Variants in FAM149A observed in about 807,000 individuals in gnomAD.
FAM149A encodes the protein protein FAM149A.
Under a neutral mutation model 78.2 loss-of-function variants are expected in FAM149A, and 71 were observed. That is an observed-to-expected ratio of 0.91 (90% CI 0.75 to 1.11). The LOEUF is 1.11. FAM149A is among the 50% of genes least tolerant of loss of function. FAM149A has a pLI of 0.00. For missense variants in FAM149A, 1,036 were observed against 971.0 expected, an observed-to-expected ratio of 1.07 and a Z score of -0.89; for synonymous variants, 446 against 410.5, an observed-to-expected ratio of 1.09 and a Z score of -1.04.
chr4:186,121,561 A>G (rs1489105641), intron 1 of FAM149A, among the ~76,000 whole-genome samples: 1 of 152,232 alleles, frequency 6.6e-6, no homozygotes, highest in Non-Finnish European at 1.5e-5. Flanking sequence ...TTTCTTTAGT[A>G]GAGCATGTCA....
rs556536881 is a variant in FAM149A, at chr4:186,146,558, G to C, written c.567-2615G>C. On this transcript the variant is annotated intron_variant, in intron 1 of 13. Coordinates refer to ENST00000389354, the MANE Select transcript of FAM149A (RefSeq NM_001367768.3). ...CCCCTGAAAAAGAGTGAATTTCCTA[G>C]AGGAATAAATTATTCATTGAAACAA... 1.6e-4 allele frequency: 150 copies of C among 957,402 alleles called. No individual in the cohort carries two copies. In the African/African-American group the frequency reaches 2.5e-3, roughly 16 times the overall value. The allele number at this position is 957,402 out of a possible 1,614,324, so 59.3% of individuals were successfully genotyped here.
intron 1 of FAM149A, chr4:186,122,681 A>T: frequency 5.6e-6 from 1 of 179,136 alleles, no homozygotes. Context: ...TATAGTAAGA[A>T]GTTGGAAAAA....
At chr4:186,160,386 ACT>A (rs1160769596) in intron 8 of FAM149A, among the ~76,000 whole-genome samples, 1 of 128,880 alleles carries the variant, frequency 7.8e-6, no homozygotes, top group Non-Finnish European at 1.6e-5. Flanking sequence ...CACACACACC[ACT>A]CACACACACA....
chr4:186,156,223 G>A, intron 7 of FAM149A, 33 bp downstream of exon 7: 1 of 1,582,036 alleles, frequency 6.3e-7, no homozygotes, highest in Non-Finnish European at 8.6e-7. Flanking sequence ...TTAATGAAAA[G>A]AAAAAGTCCC....
At position 186,157,618 on chromosome 4, in the gene FAM149A, G is replaced by T; in HGVS notation, c.1474G>T (p.Val492Phe). The T allele has an allele frequency of 6.2e-7, 1 of 1,614,148 alleles. No individual in the cohort carries two copies. The highest frequency in any genetic ancestry group is 8.5e-7 in the Non-Finnish European group (1 of 1,179,980). The stretch of plus-strand genomic sequence containing the variant: ...AGTGGCTGGAAACAGATTTCCGCAC[G>T]TCCTCGTTCCACACGCTCACGCCGA... Residue 492 changes from valine to phenylalanine, a missense_variant, in exon 8 of 14, where the codon GTC becomes TTC. By Grantham distance (50) the Val-to-Phe change is conservative. Transcript: ENST00000389354.
intron 11 of FAM149A, 135 bp downstream of exon 11, chr4:186,165,599 C>A: frequency 1.2e-6 from 1 of 823,600 alleles, no homozygotes; most frequent in Non-Finnish European, 1.9e-6. Context: ...CCTTCATAAT[C>A]TGTTTCCAGA....
intron 1 of FAM149A, chr4:186,125,128 C>A: frequency 3.2e-6 from 1 of 313,922 alleles, no homozygotes; most frequent in Non-Finnish European, 4.6e-6. Context: ...TTATGGAACA[C>A]AGTGTGGTCA....
At chr4:186,137,709 C>G (rs2099324072) in intron 1 of FAM149A, among the ~76,000 whole-genome samples, 1 of 151,932 alleles carries the variant, frequency 6.6e-6, no homozygotes, top group African/African-American at 2.4e-5. Flanking sequence ...AGAGCTATAT[C>G]TTGGTTTACA....
intron 4 of FAM149A, among the ~76,000 whole-genome samples, chr4:186,152,746 G>T (rs1472701289): frequency 6.6e-6 from 1 of 151,328 alleles, no homozygotes; most frequent in Non-Finnish European, 1.5e-5. Flanking sequence ...GGGTTTCACC[G>T]TGTTAGCCAG....
intron 1 of FAM149A, among the ~76,000 whole-genome samples, chr4:186,108,653 G>T (rs4862638): frequency 0.73 from 110,309 of 151,538 alleles, 40,639 homozygotes; most frequent in East Asian, 0.88. Context: ...TGATCTCTCT[G>T]TCTTCACCTC....
chr4:186,105,602 G>C lies in FAM149A; in HGVS notation c.526G>C (p.Glu176Gln). 9.5e-7 allele frequency: 1 copy of C among 1,054,880 alleles called. No homozygotes were observed. Among genetic ancestry groups the C allele is most frequent in the Non-Finnish European group, 1.2e-6 (1 of 868,632 alleles). 65.3% of individuals were successfully genotyped at this position (1,054,880 alleles called of 1,614,324 possible). A position where few individuals can be genotyped will look rare whatever the true frequency, so the allele number is the denominator to read the frequency against. The change falls in exon 1 of 14, where the codon GAG becomes CAG. Residue 176 changes from glutamate to glutamine, a missense_variant. Glu to Gln is a conservative substitution (Grantham distance 29). Coordinates refer to ENST00000389354, the MANE Select transcript of FAM149A (RefSeq NM_001367768.3). ...GTTCCTTACGCTGCCTGACATCGGCGAGGAGGGGGCCTCGGACGGCGACTC... is the reference window on the plus strand; with the variant it reads ...GTTCCTTACGCTGCCTGACATCGGCCAGGAGGGGGCCTCGGACGGCGACTC...
chr4:186,153,530 A>G, intron 4 of FAM149A, 115 bp from the exon 5 acceptor site: 1 of 1,500,186 alleles, frequency 6.7e-7, no homozygotes, highest in Admixed American at 1.9e-5. Flanking sequence ...CCACGTTCCC[A>G]TACACATCTT....
At chr4:186,142,122 G>A (rs1399702773) in intron 1 of FAM149A, among the ~76,000 whole-genome samples, 1 of 152,134 alleles carries the variant, frequency 6.6e-6, no homozygotes, top group Non-Finnish European at 1.5e-5. Flanking sequence ...CTAAGGGCTG[G>A]GGAGAAGGCA....
intron 1 of FAM149A, among the ~76,000 whole-genome samples, chr4:186,112,037 G>A (rs1401547198): frequency 3.4e-5 from 5 of 147,288 alleles, no homozygotes; most frequent in African/African-American, 1.3e-4. Context: ...AGCATGGAAT[G>A]TTCTTCCATT....
chr4:186,128,794 T>C (rs895690789), intron 1 of FAM149A, among the ~76,000 whole-genome samples: 9 of 152,224 alleles, frequency 5.9e-5, no homozygotes, highest in African/African-American at 2.2e-4. Context: ...TGTGTGTACA[T>C]ATATGTATGT....
chr4:186,154,891 TCCAGGTTC>T (rs1030923643), intron 6 of FAM149A: 47 of 985,260 alleles, frequency 4.8e-5, no homozygotes, highest in Non-Finnish European at 5.7e-5. Context: ...TCCTGGGGGC[TCCAGGTTC>T]CCCAGCCCTG....
chr4:186,154,634 G>GA lies in FAM149A; in HGVS notation c.1226dup (p.Asp410GlyfsTer2), dbSNP rs1397767669. The GA allele has an allele frequency of 1.9e-6, 3 of 1,613,018 alleles. No homozygotes were observed. In the African/African-American group the frequency reaches 4.0e-5, roughly 22 times the overall value. ...GGAGTATTTCGCTTTTGACAGAAAAGAGGAGTAAATAGAATCTTATTTGAC... is the reference window on the plus strand; with the variant it reads ...GGAGTATTTCGCTTTTGACAGAAAAGAAGGAGTAAATAGAATCTTATTTGAC... On this transcript the variant is annotated frameshift_variant, in exon 6 of 14. Coordinates refer to ENST00000389354, the MANE Select transcript of FAM149A (RefSeq NM_001367768.3). LOFTEE classifies it high-confidence loss of function.
chr4:186,167,387 T>A, intron 13 of FAM149A, 125 bp downstream of exon 13: 2 of 929,910 alleles, frequency 2.2e-6, no homozygotes, highest in Non-Finnish European at 3.5e-6. Context: ...AGCAAATGTT[T>A]GGGGCCTGTG....
At chr4:186,147,448 T>C (rs773402277) in intron 1 of FAM149A, among the ~76,000 whole-genome samples, 2 of 152,216 alleles carry the variant, frequency 1.3e-5, no homozygotes, top group Non-Finnish European at 2.9e-5. Flanking sequence ...TATGTAGCAC[T>C]GACTGACACT....
Sources: allele counts gnomAD v4.1 joint callset (sites outside exome capture counted in the v4.1 genomes callset), GRCh38; gene constraint gnomAD v4.1.1; transcripts MANE v1.5; gene names NCBI Gene and HGNC (gene_info 2026-07-23, HGNC 2026-07-21).